SORL1: variants seen among roughly 807,000 people sequenced by gnomAD.
SORL1 encodes the protein sortilin related receptor 1.
In SORL1, 127 loss-of-function variants were observed where a neutral mutation model predicts 273.7. The ratio of observed to expected loss-of-function variants is 0.46; its 90% CI spans 0.40 to 0.54. The LOEUF (loss-of-function observed/expected upper bound fraction) is 0.54. SORL1 is among the 20% of genes least tolerant of loss of function. The pLI, the probability that SORL1 is intolerant of heterozygous loss-of-function variation, is 0.00. For missense variants in SORL1, 2,494 were observed against 2,846.1 expected, an observed-to-expected ratio of 0.88 and a Z score of 2.81; for synonymous variants, 1,031 against 1,067.4, an observed-to-expected ratio of 0.97 and a Z score of 0.66.
intron 1 of SORL1, among the ~76,000 whole-genome samples, chr11:121,453,980 A>G (rs1269401153): frequency 6.6e-6 from 1 of 152,202 alleles, no homozygotes; most frequent in Non-Finnish European, 1.5e-5. Flanking sequence ...TCCCTCCACT[A>G]TTGGTCCCTG....
chr11:121,628,499 T>C (rs1206710131), intron 47 of SORL1, among the ~76,000 whole-genome samples: 1 of 152,182 alleles, frequency 6.6e-6, no homozygotes, highest in African/African-American at 2.4e-5. Flanking sequence ...GCTGTAATGC[T>C]CTGACTCACC....
At chr11:121,499,588 G>C (rs1234285026) in intron 6 of SORL1, among the ~76,000 whole-genome samples, 1 of 152,206 alleles carries the variant, frequency 6.6e-6, no homozygotes, top group East Asian at 1.9e-4. Context: ...GGATTGATGG[G>C]AAAAGAAACA....
At chr11:121,515,460 G>C (rs1243537000) in intron 8 of SORL1, among the ~76,000 whole-genome samples, 1 of 152,126 alleles carries the variant, frequency 6.6e-6, no homozygotes, top group Non-Finnish European at 1.5e-5. Flanking sequence ...AAGCAGGGCA[G>C]ACAGGAAGCA....
chr11:121,497,153 A>G lies in SORL1; in HGVS notation c.939+104A>G, dbSNP rs1332255896. The G allele has an allele frequency of 1.9e-5, 18 of 955,524 alleles. No homozygotes were observed. The Admixed American group carries it at 2.1e-4, about 11-fold the overall frequency. 59.2% of individuals were successfully genotyped at this position (955,524 alleles called of 1,614,324 possible). ...GTTTGCATACACAGGAATTGGAAGG[A>G]TGTGCTTGGGACAGATTGACTGAAG... On this transcript the variant is annotated intron_variant, in intron 6 of 47. Coordinates refer to ENST00000260197, the MANE Select transcript of SORL1 (RefSeq NM_003105.6).
rs763358255 is a variant in SORL1, at chr11:121,627,814, C to T, written c.6577+47C>T. Reference sequence around the variant, plus strand: ...GGTTCTTCCTCCCAGGGCTGACCCCCACGCAGCCAATGACTTGATTAGGAA... The same window carrying T: ...GGTTCTTCCTCCCAGGGCTGACCCCTACGCAGCCAATGACTTGATTAGGAA... On this transcript the variant is annotated intron_variant, in intron 47 of 47. Transcript: ENST00000260197. This position sits in a 1 kb window ranked among gnomAD's most constrained non-coding sequence, Gnocchi z 4.9. 2.9e-6 allele frequency: 4 copies of T among 1,401,746 alleles called. No homozygotes were observed. The highest frequency in any genetic ancestry group is 3.0e-6 in the Non-Finnish European group (3 of 1,005,834). The allele number at this position is 1,401,746 out of a possible 1,614,324, so 86.8% of individuals were successfully genotyped here. A position where few individuals can be genotyped will look rare whatever the true frequency, so the allele number is the denominator to read the frequency against.
At position 121,452,339 on chromosome 11, in the gene SORL1, C is replaced by A; in HGVS notation, c.8C>A (p.Thr3Lys). 1 of 1,544,424 alleles carries A rather than the reference C, an allele frequency of 6.5e-7. No individual in the cohort carries two copies. MA[T>K]RSSRRESRLP... is the part of the protein sequence containing the mutation. ...AGTAGCGTTCGCCCGAACATGGCGA[C>A]ACGGAGCAGCAGGAGGGAGTCGCGA... Residue 3 changes from threonine (T) to lysine (K), a missense_variant, in exon 1 of 48, where the codon ACA becomes AAA. Thr to Lys is a moderately conservative substitution (Grantham distance 78). Coordinates refer to ENST00000260197, the MANE Select transcript of SORL1 (RefSeq NM_003105.6). The surrounding 1 kb of genome is among the most constrained non-coding windows in gnomAD (Gnocchi z 5.3).
At chr11:121,600,132 T>C (rs143539153) in intron 32 of SORL1, among the ~76,000 whole-genome samples, 2 of 152,338 alleles carry the variant, frequency 1.3e-5, no homozygotes, top group East Asian at 1.9e-4. Flanking sequence ...AGCTAAACTT[T>C]GGTGGTGGGT....
At chr11:121,615,333 C>T (rs12292866) in intron 41 of SORL1, among the ~76,000 whole-genome samples, 5,105 of 152,166 alleles carry the variant, frequency 0.034, 306 homozygotes, top group African/African-American at 0.12. Flanking sequence ...TTGGCACATT[C>T]GTCCCCCTCT....
chr11:121,550,497 C>A lies in SORL1; in HGVS notation c.2181-88C>A. 1 of 1,060,844 alleles carries A rather than the reference C, an allele frequency of 9.4e-7. No homozygotes were observed. The highest frequency in any genetic ancestry group is 2.4e-5 in the East Asian group (1 of 41,108). The allele number at this position is 1,060,844 out of a possible 1,614,324, so 65.7% of individuals were successfully genotyped here. The stretch of plus-strand genomic sequence containing the variant: ...AAATGAGTGGATGGACTCTACTGGC[C>A]GTGGGTAGTAAGTGTATTCCCAGCT... On this transcript the variant is annotated intron_variant, in intron 15 of 47. Transcript: ENST00000260197. The surrounding 1 kb of genome is among the most constrained non-coding windows in gnomAD (Gnocchi z 5.3).
chr11:121,523,576 A>G (rs1249726008), intron 11 of SORL1, among the ~76,000 whole-genome samples: 1 of 151,918 alleles, frequency 6.6e-6, no homozygotes, highest in Non-Finnish European at 1.5e-5. Flanking sequence ...ATGCTAATTC[A>G]TCTTCATCTT....
At chr11:121,465,655 G>A (rs984395950) in intron 1 of SORL1, among the ~76,000 whole-genome samples, 1 of 152,108 alleles carries the variant, frequency 6.6e-6, no homozygotes, top group African/African-American at 2.4e-5. Context: ...AGCTTCCCGA[G>A]TAGCTGGGAC....
At chr11:121,482,720 T>C (rs754390432) in intron 3 of SORL1, among the ~76,000 whole-genome samples, 8 of 152,200 alleles carry the variant, frequency 5.3e-5, no homozygotes, top group African/African-American at 1.2e-4. Context: ...CAGGTGAAAA[T>C]GCGAGCTGCC....
intron 31 of SORL1, 90 bp downstream of exon 31, chr11:121,591,246 C>T (rs2134901361): frequency 1.4e-6 from 2 of 1,399,254 alleles, no homozygotes; most frequent in East Asian, 2.3e-5. Context: ...CCAACCGGGC[C>T]CCATGCCCTG....
chr11:121,572,019 A>C (rs1435200258), intron 23 of SORL1, among the ~76,000 whole-genome samples: 3 of 152,244 alleles, frequency 2.0e-5, no homozygotes, highest in African/African-American at 7.2e-5. Context: ...AGTTTATTAC[A>C]TATCTGGGTG....
intron 31 of SORL1, among the ~76,000 whole-genome samples, chr11:121,594,153 T>C (rs1404125574): frequency 6.6e-6 from 1 of 152,072 alleles, no homozygotes; most frequent in South Asian, 2.1e-4. Context: ...TTTAATCCTC[T>C]AGAAGCTTGT....
intron 41 of SORL1, 38 bp from the exon 42 acceptor site, chr11:121,618,736 A>T: frequency 6.2e-7 from 1 of 1,613,344 alleles, no homozygotes; most frequent in Non-Finnish European, 8.5e-7. Flanking sequence ...TCATCGGCCC[A>T]TGAGCTGATG....
At chr11:121,552,724 A>G (rs1227212125) in intron 16 of SORL1, among the ~76,000 whole-genome samples, 2 of 152,232 alleles carry the variant, frequency 1.3e-5, no homozygotes, top group Non-Finnish European at 2.9e-5. Context: ...TTATTTTTTG[A>G]TGCATTATCT....
At chr11:121,567,151 C>T (rs754691592) in intron 22 of SORL1, 38 bp downstream of exon 22, 49 of 1,550,042 alleles carry the variant, frequency 3.2e-5, no homozygotes, top group Admixed American at 1.2e-4. Context: ...CATCCTCCTT[C>T]CTTTGTTTCC....
chr11:121,468,519 C>T (rs570084285), intron 1 of SORL1, among the ~76,000 whole-genome samples: 1 of 152,228 alleles, frequency 6.6e-6, no homozygotes, highest in Admixed American at 6.5e-5. Flanking sequence ...CTCCTGAGCT[C>T]AAGCGATTCT....
Sources: gnomAD v4.1 joint callset for allele counts (sites outside exome capture counted in the v4.1 genomes callset) on GRCh38, gnomAD v4.1.1 for gene constraint, Gnocchi (gnomAD v3.1) non-coding constraint, MANE v1.5 for transcripts, NCBI Gene and HGNC (gene_info 2026-07-23, HGNC 2026-07-21) for gene names.